Variants in ILRUN observed in about 807,000 individuals in gnomAD.
ILRUN encodes the protein inflammation and lipid regulator with UBA-like and NBR1-like domains.
ILRUN carries 3 observed loss-of-function variants against 33.8 expected under a neutral mutation model. That is an observed-to-expected ratio of 0.09 (90% confidence interval 0.04 to 0.23). The LOEUF (loss-of-function observed/expected upper bound fraction) is 0.23. ILRUN is among the 10% of genes least tolerant of loss of function. The pLI is 1.00. For synonymous variants in ILRUN, 124 were observed against 138.9 expected (o/e 0.89, Z 0.75); for missense variants, 210 against 375.1 (o/e 0.56, Z 3.64).
At chr6:34,694,791 T>C (rs1763723158) in intron 1 of ILRUN, among the ~76,000 whole-genome samples, 1 of 151,894 alleles carries the variant, frequency 6.6e-6, no homozygotes, top group Non-Finnish European at 1.5e-5. Flanking sequence ...GGCTCACACC[T>C]GTTCCCAGCA....
intron 1 of ILRUN, among the ~76,000 whole-genome samples, chr6:34,674,125 C>T (rs1427879360): frequency 6.6e-6 from 1 of 152,148 alleles, no homozygotes; most frequent in East Asian, 1.9e-4. Context: ...CCTCCGGGTT[C>T]AAGCAATTCT....
At chr6:34,656,049 A>G (rs1319389283) in intron 1 of ILRUN, among the ~76,000 whole-genome samples, 4 of 152,048 alleles carry the variant, frequency 2.6e-5, no homozygotes, top group Non-Finnish European at 5.9e-5. Context: ...CCTGGCCAAC[A>G]TAGTGAAACC....
intron 1 of ILRUN, among the ~76,000 whole-genome samples, chr6:34,682,023 TA>T (rs1763370170): frequency 2.9e-5 from 3 of 103,610 alleles, no homozygotes; most frequent in African/African-American, 7.9e-5. Flanking sequence ...CACTAATTCT[TA>T]TATTTTTATT....
intron 1 of ILRUN, among the ~76,000 whole-genome samples, chr6:34,676,234 T>C (rs560295357): frequency 2.2e-4 from 32 of 144,834 alleles, no homozygotes; most frequent in Admixed American, 6.8e-4. Flanking sequence ...CAAGACATTG[T>C]CTCTACAAAA....
intron 1 of ILRUN, among the ~76,000 whole-genome samples, chr6:34,683,221 C>G (rs924009034): frequency 4.0e-5 from 6 of 150,758 alleles, no homozygotes; most frequent in Non-Finnish European, 8.8e-5. Flanking sequence ...AACAGCCTAT[C>G]CAAGTACCTT....
At chr6:34,645,840 G>A (rs1259422407) in intron 3 of ILRUN, among the ~76,000 whole-genome samples, 1 of 152,214 alleles carries the variant, frequency 6.6e-6, no homozygotes, top group Non-Finnish European at 1.5e-5. Context: ...CACCAACCAT[G>A]AATGGGGCCC....
intron 1 of ILRUN, among the ~76,000 whole-genome samples, chr6:34,664,539 CCAT>C (rs2127373201): frequency 6.6e-6 from 1 of 152,240 alleles, no homozygotes; most frequent in African/African-American, 2.4e-5. Flanking sequence ...ACTCAATTTG[CCAT>C]CAAAGATACA....
chr6:34,670,989 G>C (rs183945022), intron 1 of ILRUN, among the ~76,000 whole-genome samples: 2 of 152,202 alleles, frequency 1.3e-5, no homozygotes, highest in East Asian at 3.9e-4. Flanking sequence ...TAACAGATGA[G>C]CACATTGATC....
chr6:34,676,988 A>G (rs985393355), intron 1 of ILRUN, among the ~76,000 whole-genome samples: 1 of 134,874 alleles, frequency 7.4e-6, no homozygotes, highest in African/African-American at 3.2e-5. Flanking sequence ...CATGGGTTTT[A>G]TGTCACAATT....
chr6:34,638,609 T>C (rs77302645), intron 3 of ILRUN, among the ~76,000 whole-genome samples: 24,214 of 151,442 alleles, frequency 0.16, 2,541 homozygotes, highest in African/African-American at 0.29. Context: ...GGAGGCTGAG[T>C]TGGGAGGATT....
At position 34,646,542 on chromosome 6, in the gene ILRUN, G is replaced by A; in HGVS notation, c.511+59C>T. 6.5e-7 allele frequency: 1 copy of A among 1,537,066 alleles called. No homozygotes were observed. The highest frequency in any genetic ancestry group is 1.7e-5 in the Admixed American group (1 of 59,048). On this transcript the variant is annotated intron_variant, in intron 3 of 4. Coordinates refer to ENST00000374023, the MANE Select transcript of ILRUN (RefSeq NM_024294.4). This position sits in a 1 kb window ranked among gnomAD's most constrained non-coding sequence, Gnocchi z 4.9. ...TGACAGGCTCTGTGAGCAACACTGG[G>A]GATGTTATAAGATGTTACCTTAGTT...
intron 1 of ILRUN, among the ~76,000 whole-genome samples, chr6:34,683,147 T>C (rs1763409020): frequency 6.9e-6 from 1 of 145,120 alleles, no homozygotes. Flanking sequence ...CACACACATA[T>C]AAATACACAC....
At chr6:34,595,850 T>C (rs945862347) in intron 4 of ILRUN, 16 of 985,370 alleles carry the variant, frequency 1.6e-5, no homozygotes, top group Non-Finnish European at 1.9e-5. Flanking sequence ...GATGGCATTA[T>C]CGGATAACAC....
intron 1 of ILRUN, among the ~76,000 whole-genome samples, chr6:34,669,289 A>ATTTTT (rs35216384): frequency 1.7e-5 from 2 of 118,452 alleles, no homozygotes; most frequent in Non-Finnish European, 3.5e-5. Flanking sequence ...ACACCCAGCT[A>ATTTTT]TTTTTTTTTT....
At chr6:34,634,118 T>C (rs1762305676) in intron 3 of ILRUN, among the ~76,000 whole-genome samples, 1 of 152,148 alleles carries the variant, frequency 6.6e-6, no homozygotes, top group South Asian at 2.1e-4. Context: ...AAATTAAAAA[T>C]GTATTTTAAA....
At chr6:34,621,491 C>T (rs1455584937) in intron 3 of ILRUN, among the ~76,000 whole-genome samples, 1 of 152,016 alleles carries the variant, frequency 6.6e-6, no homozygotes, top group Non-Finnish European at 1.5e-5. Flanking sequence ...ATCTTAGCAT[C>T]ACTAAGGCTA....
At chr6:34,645,110 C>T (rs1027335464) in intron 3 of ILRUN, among the ~76,000 whole-genome samples, 1 of 152,156 alleles carries the variant, frequency 6.6e-6, no homozygotes, top group Non-Finnish European at 1.5e-5. Flanking sequence ...GCTCCAAAAA[C>T]ATATATGAGA....
intron 1 of ILRUN, among the ~76,000 whole-genome samples, chr6:34,689,338 C>T (rs933247110): frequency 6.6e-6 from 1 of 151,846 alleles, no homozygotes; most frequent in East Asian, 1.9e-4. Flanking sequence ...CATAGTGAGA[C>T]GTCTCTAAAA....
intron 4 of ILRUN, among the ~76,000 whole-genome samples, chr6:34,597,119 T>A (rs947001029): frequency 6.6e-6 from 1 of 152,272 alleles, no homozygotes. Flanking sequence ...ACATATTTTT[T>A]AAAAACCATG....
Sources: allele counts gnomAD v4.1 joint callset (sites outside exome capture counted in the v4.1 genomes callset), GRCh38; gene constraint gnomAD v4.1.1; non-coding constraint Gnocchi (gnomAD v3.1); transcripts MANE v1.5; gene names NCBI Gene and HGNC (gene_info 2026-07-23, HGNC 2026-07-21).